The following WDFY4 variants were observed in gnomAD, a reference collection of about 807,000 sequenced individuals.
WDFY4 encodes the protein WD repeat- and FYVE domain-containing protein 4.
A neutral mutation model predicts 351.9 loss-of-function variants in WDFY4; 169 were observed. That is an observed-to-expected ratio of 0.48 (90% CI 0.42 to 0.55). The LOEUF is 0.55. Ranked by LOEUF, WDFY4 falls within the 20% of genes least tolerant of loss-of-function variation. WDFY4 has a pLI of 0.00. For synonymous variants in WDFY4, 1,622 were observed against 1,574.6 expected, an observed-to-expected ratio of 1.03 and a Z score of -0.71; for missense variants, 3,803 against 3,935.6, an observed-to-expected ratio of 0.97 and a Z score of 0.90.
intron 35 of WDFY4, chr10:48,824,173 T>C: frequency 1.0e-6 from 1 of 985,476 alleles, no homozygotes; most frequent in Non-Finnish European, 1.2e-6. Flanking sequence ...CTCCAGTAGA[T>C]GATATGGTGG....
rs765658081 is a variant in WDFY4 at position 48,775,668 on chromosome 10, CT to C, written c.2769-43del. On this transcript the variant is annotated intron_variant, in intron 14 of 61. Coordinates refer to ENST00000325239, the MANE Select transcript of WDFY4 (RefSeq NM_001394531.1). ...AGGATAAAGTTGGAGAACACTGTTG[CT>C]AGTAAAATGTCTTCATTTTTTCCTC... 97 of 1,515,946 alleles carry C rather than the reference CT, an allele frequency of 6.4e-5. No individual in the cohort carries two copies. In the African/African-American group the frequency reaches 1.2e-3, roughly 19 times the overall value. 93.9% of individuals were successfully genotyped at this position (1,515,946 alleles called of 1,614,324 possible).
rs1386620081 is a variant in WDFY4 at position 48,892,931 on chromosome 10, G to T, written c.7316+2204G>T. Among the ~76,000 whole-genome samples the T allele has an allele frequency of 1.3e-5, 2 of 152,190 alleles. 1 individual carries two copies. The highest frequency in any genetic ancestry group is 2.9e-5 in the Non-Finnish European group (2 of 68,032). ...GTCCCTTTCTTAGCTGATTAGGGTG[G>T]CTGTATTCATTTGCTAGGGCAGTCA... On this transcript the variant is annotated intron_variant, in intron 44 of 61. Coordinates refer to ENST00000325239, the MANE Select transcript of WDFY4 (RefSeq NM_001394531.1).
rs138592405 is a variant in WDFY4, at chr10:48,826,715, T to A, written c.6027T>A (p.Thr2009=). 3.6e-5 allele frequency: 56 copies of A among 1,551,820 alleles called. 1 individual carries two copies. The African/African-American group carries it at 6.8e-4, about 19-fold the overall frequency. ...ASSQRDTVLS[T]LYSSLNKVIL... is the part of the protein sequence containing the mutation. ...CTCAAAGGGACACTGTCCTCAGCAC[T>A]TTATACAGCAGTTTAAATAAAGTCA... is the stretch of plus-strand genomic sequence containing the variant. The change falls in exon 36 of 62, where the codon ACT becomes ACA. Residue 2009 remains threonine, a synonymous_variant. Coordinates refer to ENST00000325239, the MANE Select transcript of WDFY4 (RefSeq NM_001394531.1).
At chr10:48,906,813 A>G (rs2133441086) in intron 47 of WDFY4, among the ~76,000 whole-genome samples, 1 of 152,364 alleles carries the variant, frequency 6.6e-6, no homozygotes, top group South Asian at 2.1e-4. Context: ...TTAAAGGGGA[A>G]AAAATAGGTG....
rs543099372 is a variant in WDFY4, at chr10:48,890,851, C to A, written c.7316+124C>A. 37 of 1,359,348 alleles carry A rather than the reference C, an allele frequency of 2.7e-5. No individual in the cohort carries two copies. The East Asian group carries it at 6.5e-4, about 24-fold the overall frequency. The allele number at this position is 1,359,348 out of a possible 1,614,324, so 84.2% of individuals were successfully genotyped here. ...GCTTAGATTTGGGCCTGAAACTGAG[C>A]CATGAGATAAAACAGAAGGACCTGC... is the stretch of plus-strand genomic sequence containing the variant. On this transcript the variant is annotated intron_variant, in intron 44 of 61. Coordinates refer to ENST00000325239, the MANE Select transcript of WDFY4 (RefSeq NM_001394531.1).
At chr10:48,958,642 G>A (rs1841719978) in intron 52 of WDFY4, among the ~76,000 whole-genome samples, 1 of 152,126 alleles carries the variant, frequency 6.6e-6, no homozygotes, top group Non-Finnish European at 1.5e-5. Flanking sequence ...TGGGTCTCCT[G>A]GGATGGCATG....
intron 24 of WDFY4, chr10:48,802,870 G>A (rs1002320044): frequency 4.2e-6 from 2 of 480,490 alleles, no homozygotes; most frequent in African/African-American, 4.0e-5. Context: ...GGTGAGTGGA[G>A]ACTGTCACTC....
At chr10:48,780,149 C>G in intron 19 of WDFY4, 30 bp downstream of exon 19, 17 of 1,550,560 alleles carry the variant, frequency 1.1e-5, no homozygotes, top group Non-Finnish European at 1.4e-5. Context: ...CTGCACTTGC[C>G]CCACAACCAT....
chr10:48,707,210 A>C (rs900605378), intron 1 of WDFY4, among the ~76,000 whole-genome samples: 1 of 152,202 alleles, frequency 6.6e-6, no homozygotes, highest in Admixed American at 6.5e-5. Flanking sequence ...GCAAATTAAA[A>C]TGACAATGCA....
intron 47 of WDFY4, among the ~76,000 whole-genome samples, chr10:48,920,455 A>G (rs373313861): frequency 3.3e-5 from 5 of 152,332 alleles, no homozygotes; most frequent in African/African-American, 1.2e-4. Flanking sequence ...AACATGGCAC[A>G]TGTATACATA....
chr10:48,830,675 G>C (rs3747875), intron 37 of WDFY4, 25 bp from the exon 38 acceptor site: 3 of 1,544,092 alleles, frequency 1.9e-6, no homozygotes, highest in South Asian at 2.4e-5. Flanking sequence ...GCCATCCTGA[G>C]TGTGCCATGT....
At chr10:48,934,913 G>T (rs1300256695) in intron 47 of WDFY4, among the ~76,000 whole-genome samples, 1 of 152,162 alleles carries the variant, frequency 6.6e-6, no homozygotes, top group African/African-American at 2.4e-5. Flanking sequence ...TCCCAGGCTC[G>T]CCTGTGCCCT....
intron 19 of WDFY4, among the ~76,000 whole-genome samples, chr10:48,780,807 G>A (rs1389876269): frequency 1.3e-5 from 2 of 152,158 alleles, no homozygotes; most frequent in Non-Finnish European, 2.9e-5. Flanking sequence ...ATCCCAAGCT[G>A]GCTGCATTTT....
intron 39 of WDFY4, among the ~76,000 whole-genome samples, chr10:48,848,014 A>G (rs1042157847): frequency 2.0e-5 from 3 of 152,202 alleles, no homozygotes; most frequent in Non-Finnish European, 2.9e-5. Context: ...ACATTTGTTA[A>G]GGATCCAGGG....
intron 4 of WDFY4, 73 bp from the exon 5 acceptor site, chr10:48,723,360 C>A (rs1314890468): frequency 4.0e-6 from 6 of 1,509,298 alleles, no homozygotes; most frequent in Non-Finnish European, 5.3e-6. Context: ...GCTGCAGGGG[C>A]CTGATCCTGG....
At chr10:48,775,549 A>C (rs956857714) in intron 14 of WDFY4, among the ~76,000 whole-genome samples, 163 bp from the exon 15 acceptor site, 4 of 152,210 alleles carry the variant, frequency 2.6e-5, no homozygotes, top group Admixed American at 1.3e-4. Context: ...TCTGGCTGGC[A>C]GGGCAGAGAC....
chr10:48,846,520 T>C (rs1347724004), intron 39 of WDFY4, among the ~76,000 whole-genome samples: 4 of 152,236 alleles, frequency 2.6e-5, no homozygotes, highest in African/African-American at 9.6e-5. Context: ...GAGCAGGTGC[T>C]GTGAATCACT....
intron 55 of WDFY4, 119 bp from the exon 56 acceptor site, chr10:48,968,945 C>A: frequency 9.7e-7 from 1 of 1,035,144 alleles, no homozygotes; most frequent in Non-Finnish European, 1.4e-6. Flanking sequence ...GCAGTGGGTG[C>A]TGTCCTTCCA....
At chr10:48,736,268 C>T in intron 11 of WDFY4, 198 bp downstream of exon 11, 3 of 654,520 alleles carry the variant, frequency 4.6e-6, no homozygotes, top group Non-Finnish European at 8.2e-6. Context: ...AATTTCTTTG[C>T]AACATACAGT....
Sources: gnomAD v4.1 joint callset for allele counts (sites outside exome capture counted in the v4.1 genomes callset) on GRCh38, gnomAD v4.1.1 for gene constraint, MANE v1.5 for transcripts, NCBI Gene and HGNC (gene_info 2026-07-23, HGNC 2026-07-21) for gene names.